BRIP1: variants seen among roughly 807,000 people sequenced by gnomAD.
BRIP1 encodes BRCA1 interacting DNA helicase 1, also known as Fanconi anemia group J protein.
In BRIP1, 88 loss-of-function variants were observed where a neutral mutation model predicts 119.7. The observed-to-expected ratio is 0.74, with a 90% confidence interval of 0.62 to 0.88. The LOEUF is 0.88. BRIP1 is among the 40% of genes least tolerant of loss of function. The pLI is 0.00. For synonymous variants in BRIP1, 443 were observed against 496.5 expected, an observed-to-expected ratio of 0.89 and a Z score of 1.43; for missense variants, 1,259 against 1,455.4, an observed-to-expected ratio of 0.87 and a Z score of 2.20.
intron 6 of BRIP1, among the ~76,000 whole-genome samples, chr17:61,826,533 C>T (rs1202014955): frequency 2.6e-5 from 4 of 151,734 alleles, no homozygotes; most frequent in African/African-American, 9.7e-5. Flanking sequence ...CCATAAGGAA[C>T]TTAAATTTAC....
Position 61,844,325 on chromosome 17 carries a change from C to T in BRIP1, c.627+2776G>A, listed in dbSNP as rs1213962979. On this transcript the variant is annotated intron_variant, in intron 6 of 19. Transcript: ENST00000259008. This position sits in a 1 kb window ranked among gnomAD's most constrained non-coding sequence, Gnocchi z 4.7. ...ACAAGCCAGGTGCAGTGATTCATGC[C>T]TATAATCCCAAAACTCTGGGAGGCC... is the stretch of plus-strand genomic sequence containing the variant. Among the ~76,000 whole-genome samples the T allele has an allele frequency of 2.0e-5, 3 of 152,114 alleles. No homozygotes were observed. The East Asian group carries it at 5.8e-4, about 29-fold the overall frequency.
chr17:61,705,479 A>G lies in BRIP1; in HGVS notation c.2492+10472T>C, dbSNP rs1477293226. Among the ~76,000 whole-genome samples the G allele has an allele frequency of 2.0e-5, 3 of 152,118 alleles. No homozygotes were observed. The highest frequency in any genetic ancestry group is 4.4e-5 in the Non-Finnish European group (3 of 68,012). ...ACCAGTAATGGGATTGCTGAGTTGA[A>G]TGGTAGCTCAACTCTTAGTTCAAGC... On this transcript the variant is annotated intron_variant, in intron 17 of 19. Transcript: ENST00000259008. This position sits in a 1 kb window ranked among gnomAD's most constrained non-coding sequence, Gnocchi z 5.0.
In BRIP1 at chr17:61,861,525, C is replaced by T. The variant is rs2078973424; in HGVS notation, c.15G>A (p.Trp5Ter). 1.2e-6 allele frequency: 2 copies of T among 1,611,500 alleles called. No homozygotes were observed. The highest frequency in any genetic ancestry group is 1.7e-6 in the Non-Finnish European group (2 of 1,177,850). Residue 5 changes from tryptophan to a stop codon, truncating the protein, a stop_gained, in exon 2 of 20, where the codon TGG becomes TGA. Coordinates refer to ENST00000259008, the MANE Select transcript of BRIP1 (RefSeq NM_032043.3). LOFTEE classifies it high-confidence loss of function. The surrounding 1 kb of genome is among the most constrained non-coding windows in gnomAD (Gnocchi z 4.5). MSSM[W>*]SEYTIGGVKI... ...TCACCCCACCAATTGTATATTCAGA[C>T]CACATTGAAGACATAGTGCTTTCCT... is the stretch of plus-strand genomic sequence containing the variant.
Position 61,740,567 on chromosome 17 carries a change from T to C in BRIP1, c.2379+2446A>G, listed in dbSNP as rs575570330. Reference sequence around the variant, plus strand: ...ATGTCTAAGGATACAGGAAAACATATACAGGCATCCCTGAGAGACATTGCA... The same window carrying C: ...ATGTCTAAGGATACAGGAAAACATACACAGGCATCCCTGAGAGACATTGCA... On this transcript the variant is annotated intron_variant, in intron 16 of 19. Coordinates refer to ENST00000259008, the MANE Select transcript of BRIP1 (RefSeq NM_032043.3). This position sits in a 1 kb window ranked among gnomAD's most constrained non-coding sequence, Gnocchi z 5.4. Among the ~76,000 whole-genome samples, 41 of 152,264 alleles carry C rather than the reference T, an allele frequency of 2.7e-4. No homozygotes were observed. Among genetic ancestry groups the C allele is most frequent in the Non-Finnish European group, 2.4e-4 (16 of 68,022 alleles).
In BRIP1 at chr17:61,808,708, C is replaced by T. The variant is rs2078115717; in HGVS notation, c.677G>A (p.Ser226Asn). The change falls in exon 7 of 20, where the codon AGT (serine) becomes AAT (asparagine). Residue 226 changes from serine (S) to asparagine (N), a missense_variant. Physicochemically the swap from Ser to Asn is conservative, Grantham distance 46. Coordinates refer to ENST00000259008, the MANE Select transcript of BRIP1 (RefSeq NM_032043.3). The surrounding 1 kb of genome is among the most constrained non-coding windows in gnomAD (Gnocchi z 4.1). ...CTTAATGGTATTCGATGACTCTTGA[C>T]TGTTTCCTTGTTTAGTAGAACAACA... ...RCCCSTKQGNSQESSNTIKKD... is the reference protein window; with the variant it reads ...RCCCSTKQGNNQESSNTIKKD... The T allele has an allele frequency of 6.2e-7, 1 of 1,613,886 alleles. No homozygotes were observed. Among genetic ancestry groups the T allele is most frequent in the South Asian group, 1.1e-5 (1 of 91,082 alleles).
At chr17:61,821,393 G>C (rs559210056) in intron 6 of BRIP1, among the ~76,000 whole-genome samples, 2 of 152,250 alleles carry the variant, frequency 1.3e-5, no homozygotes, top group African/African-American at 2.4e-5. Flanking sequence ...CTTGGGGGTG[G>C]AGAGGTGAGT....
At position 61,761,522 on chromosome 17, in the gene BRIP1, A is replaced by G. The variant is rs2077276980; in HGVS notation, c.2097+14879T>C. ...TATATAGAAACCCCTAAAGACTACA[A>G]CAAAAAACTGTTAGAACTAATAAAT... is the stretch of plus-strand genomic sequence containing the variant. On this transcript the variant is annotated intron_variant, in intron 14 of 19. Coordinates refer to ENST00000259008, the MANE Select transcript of BRIP1 (RefSeq NM_032043.3). The surrounding 1 kb of genome is among the most constrained non-coding windows in gnomAD (Gnocchi z 6.4). Among the ~76,000 whole-genome samples, 3 of 152,106 alleles carry G rather than the reference A, an allele frequency of 2.0e-5. No homozygotes were observed. In the South Asian group the frequency reaches 6.2e-4, roughly 32 times the overall value.
At chr17:61,696,448 T>G (rs1197727100) in intron 17 of BRIP1, among the ~76,000 whole-genome samples, 1 of 152,136 alleles carries the variant, frequency 6.6e-6, no homozygotes, top group Non-Finnish European at 1.5e-5. Flanking sequence ...TGTTTTAGTA[T>G]CAGGTAATAC....
At position 61,735,983 on chromosome 17, in the gene BRIP1, A is replaced by G. The variant is rs1373838655; in HGVS notation, c.2379+7030T>C. Among the ~76,000 whole-genome samples, 1 of 152,096 alleles carries G rather than the reference A, an allele frequency of 6.6e-6. No homozygotes were observed. The highest frequency in any genetic ancestry group is 2.4e-5 in the African/African-American group (1 of 41,404). On this transcript the variant is annotated intron_variant, in intron 16 of 19. Coordinates refer to ENST00000259008, the MANE Select transcript of BRIP1 (RefSeq NM_032043.3). This position sits in a 1 kb window ranked among gnomAD's most constrained non-coding sequence, Gnocchi z 4.4. ...ACTTGTGACCAATGGAAACTGAGAT[A>G]ATAAATGTGTGTTAAGCCACTATGT...
At chr17:61,819,050 G>A (rs2078280477) in intron 6 of BRIP1, among the ~76,000 whole-genome samples, 1 of 151,942 alleles carries the variant, frequency 6.6e-6, no homozygotes, top group Non-Finnish European at 1.5e-5. Context: ...GCCAGGTGTG[G>A]TGGTGCACGC....
At chr17:61,749,975 G>A (rs1054244664) in intron 14 of BRIP1, among the ~76,000 whole-genome samples, 2 of 152,078 alleles carry the variant, frequency 1.3e-5, no homozygotes, top group Non-Finnish European at 2.9e-5. Flanking sequence ...TGTAAATAAG[G>A]ACAATTTTAC....
chr17:61,703,101 A>G lies in BRIP1; in HGVS notation c.2493-9589T>C, dbSNP rs559649838. Among the ~76,000 whole-genome samples, 7 of 150,644 alleles carry G rather than the reference A, an allele frequency of 4.6e-5. No individual in the cohort carries two copies. The highest frequency in any genetic ancestry group is 7.4e-5 in the Non-Finnish European group (5 of 67,816). ...TTGTTTTGAGACAGAGTCTCACTCT[A>G]TTGCCCAGGCTGAAGTGCAGTGGCA... On this transcript the variant is annotated intron_variant, in intron 17 of 19. Coordinates refer to ENST00000259008, the MANE Select transcript of BRIP1 (RefSeq NM_032043.3). This position sits in a 1 kb window ranked among gnomAD's most constrained non-coding sequence, Gnocchi z 5.0.
rs1199382789 is a variant in BRIP1 at position 61,834,552 on chromosome 17, G to A, written c.627+12549C>T. On this transcript the variant is annotated intron_variant, in intron 6 of 19. Transcript: ENST00000259008. This position sits in a 1 kb window ranked among gnomAD's most constrained non-coding sequence, Gnocchi z 4.4. Reference sequence around the variant, plus strand: ...CTTTGTATATAAGCTCCCTTTCAAGGTTACTTTGTAGCTCTTCCTACCAAG... The same window carrying A: ...CTTTGTATATAAGCTCCCTTTCAAGATTACTTTGTAGCTCTTCCTACCAAG... Among the ~76,000 whole-genome samples, 2 of 152,008 alleles carry A rather than the reference G, an allele frequency of 1.3e-5. No individual in the cohort carries two copies. The highest frequency in any genetic ancestry group is 2.9e-5 in the Non-Finnish European group (2 of 68,008).
chr17:61,718,964 T>C (rs187772448), intron 16 of BRIP1, among the ~76,000 whole-genome samples: 7 of 152,342 alleles, frequency 4.6e-5, no homozygotes, highest in Non-Finnish European at 8.8e-5. Flanking sequence ...TGTTACATTG[T>C]AGTGTTTAGG....
rs1361323487 is a variant in BRIP1 at position 61,806,257 on chromosome 17, C to T, written c.918+2210G>A. On this transcript the variant is annotated intron_variant, in intron 7 of 19. Coordinates refer to ENST00000259008, the MANE Select transcript of BRIP1 (RefSeq NM_032043.3). The surrounding 1 kb of genome is among the most constrained non-coding windows in gnomAD (Gnocchi z 4.9). The stretch of plus-strand genomic sequence containing the variant: ...TGTCAGTTATCTATTTATCATTTCG[C>T]TTTGGTAATTCAGTCAAAGTAAACA... Among the ~76,000 whole-genome samples the T allele has an allele frequency of 2.0e-5, 3 of 152,180 alleles. No homozygotes were observed. Among genetic ancestry groups the T allele is most frequent in the African/African-American group, 7.2e-5 (3 of 41,450 alleles).
Position 61,690,593 on chromosome 17 carries a change from C to T in BRIP1, c.2575+2837G>A, listed in dbSNP as rs2061433628. Among the ~76,000 whole-genome samples the T allele has an allele frequency of 6.6e-6, 1 of 151,794 alleles. No individual in the cohort carries two copies. The highest frequency in any genetic ancestry group is 2.4e-5 in the African/African-American group (1 of 41,316). On this transcript the variant is annotated intron_variant, in intron 18 of 19. Transcript: ENST00000259008. This position sits in a 1 kb window ranked among gnomAD's most constrained non-coding sequence, Gnocchi z 5.6. ...AGAAAGGAATCAAAGCATTTTTCTT[C>T]AAAAAATTAAAAAATGAAAAGCTTT... is the stretch of plus-strand genomic sequence containing the variant.
At position 61,701,088 on chromosome 17, in the gene BRIP1, T is replaced by C. The variant is rs953193099; in HGVS notation, c.2493-7576A>G. Among the ~76,000 whole-genome samples, 3 of 152,194 alleles carry C rather than the reference T, an allele frequency of 2.0e-5. No individual in the cohort carries two copies. The highest frequency in any genetic ancestry group is 4.8e-5 in the African/African-American group (2 of 41,460). On this transcript the variant is annotated intron_variant, in intron 17 of 19. Coordinates refer to ENST00000259008, the MANE Select transcript of BRIP1 (RefSeq NM_032043.3). This position sits in a 1 kb window ranked among gnomAD's most constrained non-coding sequence, Gnocchi z 5.1. ...GTTTTTGACACAGTTTGCTTAGTTA[T>C]TGAATGTATTTGAACTAGCTTTCTC...
In BRIP1 at chr17:61,683,768, A is replaced by ATTCT; in HGVS notation, c.3277_3278insAGAA (p.Leu1093GlnfsTer5). ...TGGATCCAGGGCTTCTTCAGAACAG[A>ATTCT]GCGGATGTTCAGAATGATTTTTTCT... On this transcript the variant is annotated frameshift_variant, in exon 20 of 20. Transcript: ENST00000259008. LOFTEE classifies it low-confidence loss of function (END_TRUNC). The surrounding 1 kb of genome is among the most constrained non-coding windows in gnomAD (Gnocchi z 4.7). The ATTCT allele has an allele frequency of 1.2e-6, 2 of 1,614,188 alleles. No homozygotes were observed.
In BRIP1 at chr17:61,787,051, TA is replaced by T. The variant is rs1335551337; in HGVS notation, c.1474-2628del. Among the ~76,000 whole-genome samples the T allele has an allele frequency of 3.4e-5, 4 of 116,140 alleles. No homozygotes were observed. The East Asian group carries it at 9.9e-4, about 29-fold the overall frequency. 76.2% of individuals were successfully genotyped at this position (116,140 alleles called of 152,430 possible). ...ATAAATAAATTTATATAAATTTATA[TA>T]AATTTATAAATATAATTATATATAA... On this transcript the variant is annotated intron_variant, in intron 10 of 19. Coordinates refer to ENST00000259008, the MANE Select transcript of BRIP1 (RefSeq NM_032043.3).
Sources: gnomAD v4.1 joint callset for allele counts (sites outside exome capture counted in the v4.1 genomes callset) on GRCh38, gnomAD v4.1.1 for gene constraint, Gnocchi (gnomAD v3.1) non-coding constraint, MANE v1.5 for transcripts, NCBI Gene and HGNC (gene_info 2026-07-23, HGNC 2026-07-21) for gene names.